MAPKAP1: variants seen among roughly 807,000 people sequenced by gnomAD.
MAPKAP1 encodes the protein target of rapamycin complex 2 subunit MAPKAP1.
A neutral mutation model predicts 65.7 loss-of-function variants in MAPKAP1; 20 were observed. That is an observed-to-expected ratio of 0.30 (90% CI 0.21 to 0.44). The LOEUF is 0.44. Among genes scored for constraint, MAPKAP1 ranks in the 20% least tolerant of loss-of-function variants. MAPKAP1 has a pLI of 1.00. For missense variants in MAPKAP1, 423 were observed against 648.0 expected, an observed-to-expected ratio of 0.65 and a Z score of 3.77; for synonymous variants, 222 against 244.3, an observed-to-expected ratio of 0.91 and a Z score of 0.85.
chr9:125,512,738 T>C (rs1166407974), intron 7 of MAPKAP1, among the ~76,000 whole-genome samples: 2 of 151,926 alleles, frequency 1.3e-5, no homozygotes, highest in Non-Finnish European at 2.9e-5. Context: ...CCCGCCACCA[T>C]GCCCGGCTAA....
intron 3 of MAPKAP1, among the ~76,000 whole-genome samples, chr9:125,662,039 G>A (rs1462452476): frequency 6.6e-6 from 1 of 152,112 alleles, no homozygotes; most frequent in East Asian, 1.9e-4. Flanking sequence ...AAAAATTTGA[G>A]ATGATTAGGG....
chr9:125,460,242 G>A (rs1176980241), intron 10 of MAPKAP1, among the ~76,000 whole-genome samples: 5 of 151,932 alleles, frequency 3.3e-5, no homozygotes, highest in African/African-American at 1.2e-4. Flanking sequence ...TGTTACAATG[G>A]GTCCATAAAG....
intron 7 of MAPKAP1, 78 bp downstream of exon 7, chr9:125,542,981 C>T (rs1284763180): frequency 1.1e-6 from 1 of 893,132 alleles, no homozygotes; most frequent in East Asian, 2.6e-5. Context: ...AGCCAGCCAT[C>T]ACACACACAC....
chr9:125,470,013 A>C (rs1853842737), intron 9 of MAPKAP1, among the ~76,000 whole-genome samples: 1 of 152,166 alleles, frequency 6.6e-6, no homozygotes. Context: ...ATAAACATGC[A>C]TATCTCTTAT....
intron 8 of MAPKAP1, among the ~76,000 whole-genome samples, chr9:125,502,096 T>C (rs1245929911): frequency 6.6e-6 from 1 of 151,958 alleles, no homozygotes; most frequent in Admixed American, 6.5e-5. Flanking sequence ...TCAGCCTTTC[T>C]TCTTCTTTTT....
At chr9:125,563,601 A>G (rs10986796) in intron 5 of MAPKAP1, among the ~76,000 whole-genome samples, 2,986 of 152,298 alleles carry the variant, frequency 0.02, 162 homozygotes, top group East Asian at 0.15. Flanking sequence ...TACTTACTAA[A>G]GAGTAAAATG....
intron 4 of MAPKAP1, among the ~76,000 whole-genome samples, chr9:125,642,924 G>A (rs745987173): frequency 5.3e-5 from 8 of 151,852 alleles, no homozygotes; most frequent in Non-Finnish European, 1.2e-4. Flanking sequence ...TCTTGTGATG[G>A]AGTCTCGATC....
chr9:125,513,412 G>C (rs1829366638), intron 7 of MAPKAP1, among the ~76,000 whole-genome samples: 1 of 152,122 alleles, frequency 6.6e-6, no homozygotes, highest in Admixed American at 6.5e-5. Flanking sequence ...CCAATTTAAA[G>C]AGCTGCTTTA....
chr9:125,628,298 T>G (rs1220659209), intron 4 of MAPKAP1, among the ~76,000 whole-genome samples: 3 of 152,084 alleles, frequency 2.0e-5, no homozygotes, highest in Non-Finnish European at 4.4e-5. Context: ...CAAGATGGAA[T>G]GGGCAAGAAG....
rs145885264 is a variant in MAPKAP1 at position 125,506,373 on chromosome 9, C to T, written c.1003G>A (p.Val335Ile). 35 of 1,613,972 alleles carry T rather than the reference C, an allele frequency of 2.2e-5. No homozygotes were observed. Among genetic ancestry groups the T allele is most frequent in the Admixed American group, 3.3e-5 (2 of 59,994 alleles). ...CTCTCCAAAGTGCTGTCCAGGTCAACGGCGACATTGGGCTCGCTCTGCTTC... is the reference window on the plus strand; with the variant it reads ...CTCTCCAAAGTGCTGTCCAGGTCAATGGCGACATTGGGCTCGCTCTGCTTC... ...LEKQSEPNVAVDLDSTLESQS... is the reference protein window; with the variant it reads ...LEKQSEPNVAIDLDSTLESQS... The change falls in exon 8 of 12, where the codon GTT becomes ATT. Residue 335 changes from valine to isoleucine, a missense_variant. Val to Ile is a conservative substitution (Grantham distance 29, BLOSUM62 3). Transcript: ENST00000265960.
At chr9:125,557,081 A>T (rs1194111261) in intron 6 of MAPKAP1, among the ~76,000 whole-genome samples, 1 of 152,180 alleles carries the variant, frequency 6.6e-6, no homozygotes, top group Non-Finnish European at 1.5e-5. Context: ...CAGGGATGGG[A>T]GTAATTCAGG....
chr9:125,585,017 T>C (rs960006438), intron 5 of MAPKAP1, among the ~76,000 whole-genome samples: 4 of 152,218 alleles, frequency 2.6e-5, no homozygotes, highest in Non-Finnish European at 5.9e-5. Flanking sequence ...CCAAAGGTTC[T>C]ATAGAAGGCA....
intron 3 of MAPKAP1, among the ~76,000 whole-genome samples, chr9:125,668,773 C>G (rs905576281): frequency 4.6e-5 from 7 of 152,114 alleles, no homozygotes; most frequent in Non-Finnish European, 8.8e-5. Flanking sequence ...GGTTTTTACA[C>G]TAAGGGAAAA....
Position 125,438,262 on chromosome 9 carries a change from CCTAA to C in MAPKAP1, c.*621_*624del, listed in dbSNP as rs1810752609. The stretch of plus-strand genomic sequence containing the variant: ...TTGGACACACCACTAGGTCTCTGTT[CCTAA>C]CTTTTAGTAAGACACTACCCTCGAA... On this transcript the variant is annotated 3_prime_UTR_variant, in exon 12 of 12. Coordinates refer to ENST00000265960, the MANE Select transcript of MAPKAP1 (RefSeq NM_001006617.3). 3 of 397,232 alleles carry C rather than the reference CCTAA, an allele frequency of 7.6e-6. No individual in the cohort carries two copies. Among genetic ancestry groups the C allele is most frequent in the African/African-American group, 2.1e-5 (1 of 48,582 alleles). The allele number at this position is 397,232 out of a possible 1,614,324, so 24.6% of individuals were successfully genotyped here.
intron 6 of MAPKAP1, among the ~76,000 whole-genome samples, chr9:125,544,210 A>G (rs1287728412): frequency 6.6e-6 from 1 of 151,906 alleles, no homozygotes; most frequent in African/African-American, 2.4e-5. Flanking sequence ...GGGTTTCACC[A>G]TCTTGGCCAG....
chr9:125,517,382 C>T (rs1288128632), intron 7 of MAPKAP1, among the ~76,000 whole-genome samples: 1 of 152,050 alleles, frequency 6.6e-6, no homozygotes, highest in Non-Finnish European at 1.5e-5. Flanking sequence ...CTGATTTTTC[C>T]AGGGTTGGGG....
chr9:125,517,849 G>T (rs1273688240), intron 7 of MAPKAP1, among the ~76,000 whole-genome samples: 1 of 152,048 alleles, frequency 6.6e-6, no homozygotes, highest in Non-Finnish European at 1.5e-5. Context: ...ACCTTCCTTG[G>T]GACCTTGCTT....
chr9:125,494,518 A>G (rs1854864387), intron 8 of MAPKAP1, among the ~76,000 whole-genome samples: 1 of 152,192 alleles, frequency 6.6e-6, no homozygotes, highest in Non-Finnish European at 1.5e-5. Flanking sequence ...AATCAAGGTA[A>G]TCTTGTTTTA....
At chr9:125,504,646 A>G (rs1451051815) in intron 8 of MAPKAP1, among the ~76,000 whole-genome samples, 1 of 152,184 alleles carries the variant, frequency 6.6e-6, no homozygotes, top group Non-Finnish European at 1.5e-5. Flanking sequence ...AATAAAAATT[A>G]GCCAGGGGTG....
Sources: gnomAD v4.1 joint callset for allele counts (sites outside exome capture counted in the v4.1 genomes callset) on GRCh38, gnomAD v4.1.1 for gene constraint, MANE v1.5 for transcripts, NCBI Gene and HGNC (gene_info 2026-07-23, HGNC 2026-07-21) for gene names.